CNTFR: variants seen among roughly 807,000 people sequenced by gnomAD.
CNTFR encodes the protein ciliary neurotrophic factor receptor subunit alpha.
In CNTFR, 12 loss-of-function variants were observed where a neutral mutation model predicts 40.4. The observed-to-expected ratio is 0.30, with a 90% CI of 0.19 to 0.48. The LOEUF (loss-of-function observed/expected upper bound fraction) is 0.48. Among genes scored for constraint, CNTFR ranks in the 20% least tolerant of loss-of-function variants. The pLI, the probability that CNTFR is intolerant of heterozygous loss-of-function variation, is 0.99. For synonymous variants in CNTFR, 202 were observed against 209.6 expected (o/e 0.96, Z 0.31); for missense variants, 414 against 506.8 (o/e 0.82, Z 1.76).
intron 3 of CNTFR, 62 bp from the exon 4 acceptor site, chr9:34,564,894 G>A: frequency 6.9e-7 from 1 of 1,450,550 alleles, no homozygotes; most frequent in Non-Finnish European, 9.5e-7. Context: ...GCACCCGCAG[G>A]CGAGCGTGCT....
rs369998155 is a variant in CNTFR, at chr9:34,557,361, T to A, written c.604+165A>T. 2.8e-3 allele frequency among the ~76,000 whole-genome samples: 432 copies of A among 152,314 alleles called. 2 individuals are homozygous for A. Among genetic ancestry groups the A allele is most frequent in the African/African-American group, 1.0e-2 (415 of 41,558 alleles). ...TCACTTACACGTTCACAGGTGTATA[T>A]GTCATGCATATATGTGCACATATAT... On this transcript the variant is annotated intron_variant, in intron 6 of 9. Transcript: ENST00000378980. The surrounding 1 kb of genome is among the most constrained non-coding windows in gnomAD (Gnocchi z 4.2).
At position 34,557,397 on chromosome 9, in the gene CNTFR, C is replaced by A; in HGVS notation, c.604+129G>T. 1.0e-6 allele frequency: 1 copy of A among 991,090 alleles called. No homozygotes were observed. The allele number at this position is 991,090 out of a possible 1,614,324, so 61.4% of individuals were successfully genotyped here. ...TATGTGCACATATATGTGCACTGTA[C>A]ATACCTGTGCAGAGGCATGTACATG... On this transcript the variant is annotated intron_variant, in intron 6 of 9. Coordinates refer to ENST00000378980, the MANE Select transcript of CNTFR (RefSeq NM_147164.3). This position sits in a 1 kb window ranked among gnomAD's most constrained non-coding sequence, Gnocchi z 4.2.
chr9:34,589,428 C>T lies in CNTFR; in HGVS notation c.-112+127G>A, dbSNP rs1228254914. The T allele has an allele frequency of 6.6e-6, 1 of 151,770 alleles. No individual in the cohort carries two copies. The highest frequency in any genetic ancestry group is 2.4e-5 in the African/African-American group (1 of 41,358). 9.4% of individuals were successfully genotyped at this position (151,770 alleles called of 1,614,324 possible). A position where few individuals can be genotyped will look rare whatever the true frequency, so the allele number is the denominator to read the frequency against. ...CAGGCAAAGTTTCTCGTGAACTTTC[C>T]TGTCGCCCCCGTCCGTGGGCCCACG... is the stretch of plus-strand genomic sequence containing the variant. On this transcript the variant is annotated intron_variant, in intron 1 of 9. Coordinates refer to ENST00000378980, the MANE Select transcript of CNTFR (RefSeq NM_147164.3). The surrounding 1 kb of genome is among the most constrained non-coding windows in gnomAD (Gnocchi z 4.4).
In CNTFR at chr9:34,552,677, C is replaced by T. The variant is rs1171722362; in HGVS notation, c.946G>A (p.Ala316Thr). 1 of 1,612,822 alleles carries T rather than the reference C, an allele frequency of 6.2e-7. No homozygotes were observed. The highest frequency in any genetic ancestry group is 1.7e-5 in the Admixed American group (1 of 59,962). The part of the protein sequence containing the change: ...PRHLTTEAQA[A>T]ETTTSTTSSL... ...GTAGGGGCGGGAGCAAGCTCACCCG[C>T]AGCCTGGGCCTCCGTGGTGAGGTGT... The change falls in exon 8 of 10, where the codon GCG becomes ACG. Residue 316 changes from alanine to threonine, a missense_variant. Around this residue, in one of 3 missense-constraint regions of CNTFR, gnomAD observed 81 missense variants for 92.2 expected, o/e 0.88. Coordinates refer to ENST00000378980, the MANE Select transcript of CNTFR (RefSeq NM_147164.3). The surrounding 1 kb of genome is among the most constrained non-coding windows in gnomAD (Gnocchi z 5.1).
rs1047639089 is a variant in CNTFR, at chr9:34,552,556, G to A, written c.949+118C>T. On this transcript the variant is annotated intron_variant, in intron 8 of 9. Coordinates refer to ENST00000378980, the MANE Select transcript of CNTFR (RefSeq NM_147164.3). This position sits in a 1 kb window ranked among gnomAD's most constrained non-coding sequence, Gnocchi z 5.1. The stretch of plus-strand genomic sequence containing the variant: ...ATGGCAGGAGTTGGACAGACAGGCA[G>A]AAGTGTGGCTACCCCCGGGAGCAGA... 3 of 1,162,670 alleles carry A rather than the reference G, an allele frequency of 2.6e-6. No homozygotes were observed. The Admixed American group carries it at 7.8e-5, about 30-fold the overall frequency. The allele number at this position is 1,162,670 out of a possible 1,614,324, so 72.0% of individuals were successfully genotyped here. A position where few individuals can be genotyped will look rare whatever the true frequency, so the allele number is the denominator to read the frequency against.
In CNTFR at chr9:34,565,373, C is replaced by A. The variant is rs574006291; in HGVS notation, c.86-541G>T. Among the ~76,000 whole-genome samples, 5 of 152,158 alleles carry A rather than the reference C, an allele frequency of 3.3e-5. No individual in the cohort carries two copies. In the East Asian group the frequency reaches 5.8e-4, roughly 18 times the overall value. On this transcript the variant is annotated intron_variant, in intron 3 of 9. Coordinates refer to ENST00000378980, the MANE Select transcript of CNTFR (RefSeq NM_147164.3). ...CTCTTTCTGTCCTGTCTCTACCCCC[C>A]ACCTCCCCCATCTCTCTTCCTGTCT...
chr9:34,574,312 C>G (rs1441736155), intron 2 of CNTFR, among the ~76,000 whole-genome samples: 1 of 152,216 alleles, frequency 6.6e-6, no homozygotes, highest in Admixed American at 6.5e-5. Flanking sequence ...CTCCGAATCT[C>G]TGATCTCTAG....
At chr9:34,583,595 AC>A (rs909083880) in intron 1 of CNTFR, among the ~76,000 whole-genome samples, 2 of 119,394 alleles carry the variant, frequency 1.7e-5, no homozygotes, top group Admixed American at 8.8e-5. Context: ...CCCCAACCCC[AC>A]CCCCACAAGT....
rs370378077 is a variant in CNTFR, at chr9:34,568,928, T to TGCG, written c.51_53dup (p.Ala18dup). 36 of 1,598,832 alleles carry TGCG rather than the reference T, an allele frequency of 2.3e-5. 1 individual carries two copies. The highest frequency in any genetic ancestry group is 1.1e-4 in the South Asian group (10 of 88,482). On this transcript the variant is annotated inframe_insertion, in exon 3 of 10. Coordinates refer to ENST00000378980, the MANE Select transcript of CNTFR (RefSeq NM_147164.3). ...GACTGTGTCTCTGGGCGTAGACAAC[T>TGCG]GCGGCGGCGGCGGCAAGCACAGCAC...
At chr9:34,583,213 T>C (rs1422289505) in intron 1 of CNTFR, among the ~76,000 whole-genome samples, 1 of 152,028 alleles carries the variant, frequency 6.6e-6, no homozygotes, top group East Asian at 1.9e-4. Context: ...TACTCCCAAT[T>C]TGAGGAGGGA....
At chr9:34,569,105 C>G in intron 2 of CNTFR, 124 bp from the exon 3 acceptor site, 1 of 853,522 alleles carries the variant, frequency 1.2e-6, no homozygotes, top group Non-Finnish European at 1.8e-6. Flanking sequence ...GAGAGGCCCT[C>G]ACCCGCTCTG....
intron 4 of CNTFR, among the ~76,000 whole-genome samples, chr9:34,559,817 G>A (rs1347782164): frequency 3.3e-5 from 5 of 152,150 alleles, no homozygotes; most frequent in African/African-American, 4.8e-5. Context: ...CGGACTCCTC[G>A]GAGGGCAGAG....
At chr9:34,582,276 C>CAAAAAAAAAAAAAAAA (rs10601840) in intron 1 of CNTFR, 5 of 126,536 alleles carry the variant, frequency 4.0e-5, no homozygotes, top group African/African-American at 1.6e-4. Flanking sequence ...AACCCTATGG[C>CAAAAAAAAAAAAAAAA]AAAAAAAAAA....
chr9:34,578,244 G>A (rs950525128), intron 2 of CNTFR, among the ~76,000 whole-genome samples: 2 of 152,240 alleles, frequency 1.3e-5, no homozygotes, highest in African/African-American at 4.8e-5. Flanking sequence ...GCCGGGAGGA[G>A]GGGAGGAAGG....
intron 3 of CNTFR, among the ~76,000 whole-genome samples, chr9:34,565,471 A>C (rs1004586955): frequency 6.6e-6 from 1 of 152,088 alleles, no homozygotes; most frequent in African/African-American, 2.4e-5. Flanking sequence ...GGGCTCAGGC[A>C]GCAGCAGGAG....
chr9:34,563,959 C>G (rs529015511), intron 4 of CNTFR, among the ~76,000 whole-genome samples: 5 of 152,316 alleles, frequency 3.3e-5, no homozygotes, highest in African/African-American at 1.2e-4. Context: ...ATCTGCCCCC[C>G]GTCCCTTCCT....
intron 2 of CNTFR, among the ~76,000 whole-genome samples, chr9:34,572,518 A>G (rs985485009): frequency 3.9e-5 from 6 of 152,274 alleles, no homozygotes; most frequent in African/African-American, 1.4e-4. Context: ...CCCCATAAGC[A>G]AGGAAGGAGC....
chr9:34,556,354 C>T lies in CNTFR; in HGVS notation c.669G>A (p.Glu223=). 6.2e-7 allele frequency: 1 copy of T among 1,613,932 alleles called. No individual in the cohort carries two copies. Among genetic ancestry groups the T allele is most frequent in the Non-Finnish European group, 8.5e-7 (1 of 1,179,982 alleles). The part of the protein sequence containing the change: ...RPVPSNPRRL[E]VTWQTPSTWP... Reference sequence around the variant, plus strand: ...AGGTCGAGGGGGTCTGCCACGTCACCTCCAGCCGGCGAGGGTTGCTGGGCA... The same window carrying T: ...AGGTCGAGGGGGTCTGCCACGTCACTTCCAGCCGGCGAGGGTTGCTGGGCA... The change falls in exon 7 of 10, where the codon GAG becomes GAA. Residue 223 remains glutamate, a synonymous_variant. Coordinates refer to ENST00000378980, the MANE Select transcript of CNTFR (RefSeq NM_147164.3).
chr9:34,578,560 G>T (rs1827114148), intron 2 of CNTFR, among the ~76,000 whole-genome samples: 1 of 152,188 alleles, frequency 6.6e-6, no homozygotes, highest in African/African-American at 2.4e-5. Flanking sequence ...AGTGGTGAGA[G>T]ATGTGGGACC....
Sources: allele counts gnomAD v4.1 joint callset (sites outside exome capture counted in the v4.1 genomes callset), GRCh38; gene constraint gnomAD v4.1.1; regional missense constraint gnomAD v4.1.1; non-coding constraint Gnocchi (gnomAD v3.1); transcripts MANE v1.5; gene names NCBI Gene and HGNC (gene_info 2026-07-23, HGNC 2026-07-21).